RTCA: variants seen among roughly 807,000 people sequenced by gnomAD.
The protein encoded by RTCA is RNA 3'-terminal phosphate cyclase.
A neutral mutation model predicts 46.1 loss-of-function variants in RTCA; 37 were observed. The ratio of observed to expected loss-of-function variants is 0.80; its 90% CI spans 0.62 to 1.06. RTCA has a LOEUF of 1.06. RTCA is among the 50% of genes least tolerant of loss of function. The probability of loss-of-function intolerance (pLI) is 0.00; values close to 1 mark genes in which losing one functional copy is unlikely to be tolerated. For missense variants in RTCA, 435 were observed against 455.5 expected (o/e 0.95, Z 0.41); for synonymous variants, 164 against 158.3 (o/e 1.04, Z -0.27).
At chr1:100,271,090 G>A (rs1666068499) in intron 4 of RTCA, among the ~76,000 whole-genome samples, 1 of 151,034 alleles carries the variant, frequency 6.6e-6, no homozygotes. Flanking sequence ...GGGGAATTAT[G>A]TTTACTTTAA....
intron 2 of RTCA, chr1:100,267,220 A>G: frequency 2.9e-6 from 1 of 344,146 alleles, no homozygotes; most frequent in Non-Finnish European, 5.2e-6. Flanking sequence ...AAGAGGACCC[A>G]GGTTTGAAGC....
intron 2 of RTCA, among the ~76,000 whole-genome samples, chr1:100,267,842 A>G (rs1171592050): frequency 6.6e-6 from 1 of 152,224 alleles, no homozygotes; most frequent in Non-Finnish European, 1.5e-5. Context: ...AGTCAAGTGC[A>G]AGCGAGACTG....
Position 100,266,372 on chromosome 1 carries a change from C to T in RTCA, c.-4C>T. 1 of 1,612,246 alleles carries T rather than the reference C, an allele frequency of 6.2e-7. No individual in the cohort carries two copies. Among genetic ancestry groups the T allele is most frequent in the South Asian group, 1.1e-5 (1 of 90,812 alleles). On this transcript the variant is annotated 5_prime_UTR_variant, in exon 1 of 11. Transcript: ENST00000370128. ...GCTGCGGGCTGGGCCCCAGGGTGTC[C>T]CCCATGGCGGGGCCGCGGGTGGAGG...
At chr1:100,269,018 G>A (rs1665936273) in intron 3 of RTCA, among the ~76,000 whole-genome samples, 1 of 149,090 alleles carries the variant, frequency 6.7e-6, no homozygotes, top group African/African-American at 2.5e-5. Flanking sequence ...GCAAAACCCC[G>A]TCATATATAT....
At chr1:100,278,755 A>G (rs1666535016) in intron 8 of RTCA, among the ~76,000 whole-genome samples, 1 of 152,238 alleles carries the variant, frequency 6.6e-6, no homozygotes, top group Non-Finnish European at 1.5e-5. Flanking sequence ...AAGAGAATAA[A>G]TAAAATCACC....
At chr1:100,267,573 T>C (rs1373759940) in intron 2 of RTCA, 4 of 1,538,112 alleles carry the variant, frequency 2.6e-6, no homozygotes, top group Non-Finnish European at 3.5e-6. Flanking sequence ...GAAAAGGATC[T>C]GCTCCAGGCC....
At chr1:100,281,344 GAGA>G in intron 8 of RTCA, 1 of 529,646 alleles carries the variant, frequency 1.9e-6, no homozygotes, top group Middle Eastern at 3.2e-4. Flanking sequence ...AACAGAGAGT[GAGA>G]AGACCTAAAT....
intron 3 of RTCA, among the ~76,000 whole-genome samples, chr1:100,268,850 G>A (rs1665925073): frequency 6.6e-6 from 1 of 152,000 alleles, no homozygotes; most frequent in South Asian, 2.1e-4. Context: ...TTATGAATAT[G>A]ATTGCTTTCA....
At chr1:100,282,362 T>G (rs116778977) in intron 8 of RTCA, among the ~76,000 whole-genome samples, 2,106 of 152,330 alleles carry the variant, frequency 0.014, 45 homozygotes, top group African/African-American at 0.047. Context: ...TTCTTTCCTT[T>G]TCCTTTACAT....
rs144149517 is a variant in RTCA at position 100,275,228 on chromosome 1, C to G, written c.615+263C>G. Among the ~76,000 whole-genome samples the G allele has an allele frequency of 5.5e-3, 831 of 152,156 alleles. 8 individuals carry two copies. The highest frequency in any genetic ancestry group is 0.018 in the African/African-American group (762 of 41,500). On this transcript the variant is annotated intron_variant, in intron 6 of 10. Coordinates refer to ENST00000370128, the MANE Select transcript of RTCA (RefSeq NM_003729.4). ...ATAAAGATGGGAACACTGGGGACTG[C>G]TAATGGGAGGAGGGTGGAAGGGGGC...
chr1:100,267,651 G>GTTTT (rs60634058), intron 2 of RTCA: 1,597 of 808,712 alleles, frequency 2.0e-3, no homozygotes, highest in African/African-American at 3.2e-3. Context: ...GTATGTTCTA[G>GTTTT]TTTTTTTTTT....
intron 8 of RTCA, among the ~76,000 whole-genome samples, chr1:100,284,449 A>G (rs1666914142): frequency 6.7e-6 from 1 of 150,038 alleles, no homozygotes; most frequent in East Asian, 2.0e-4. Context: ...GATGGAGTAC[A>G]GTGGCACAAT....
Position 100,291,958 on chromosome 1 carries a change from C to T in RTCA, c.*454C>T, listed in dbSNP as rs1448532800. 2.1e-5 allele frequency: 3 copies of T among 142,706 alleles called. No homozygotes were observed. Among genetic ancestry groups the T allele is most frequent in the Admixed American group, 7.2e-5 (1 of 13,944 alleles). 8.8% of individuals were successfully genotyped at this position (142,706 alleles called of 1,614,324 possible). On this transcript the variant is annotated 3_prime_UTR_variant, in exon 11 of 11. Transcript: ENST00000370128. The stretch of plus-strand genomic sequence containing the variant: ...TTTTTTTTTTTTTTTGAGACAGTCT[C>T]GTTCTGTCACCCAGGCTGGGGTGCT...
intron 8 of RTCA, among the ~76,000 whole-genome samples, chr1:100,279,787 A>T (rs1005179831): frequency 1.3e-5 from 2 of 152,158 alleles, no homozygotes; most frequent in Admixed American, 1.3e-4. Flanking sequence ...CACCAAAAAA[A>T]TAGTGTTCTG....
At chr1:100,266,789 T>C (rs1225560185) in intron 2 of RTCA, 165 bp downstream of exon 2, 4 of 609,176 alleles carry the variant, frequency 6.6e-6, no homozygotes, top group Non-Finnish European at 1.2e-5. Context: ...GCCTGGGTTG[T>C]AAAGTCTTGA....
intron 8 of RTCA, among the ~76,000 whole-genome samples, chr1:100,279,263 TC>T (rs1381133862): frequency 6.6e-6 from 1 of 152,198 alleles, no homozygotes; most frequent in Admixed American, 6.5e-5. Context: ...GATTCCTGCC[TC>T]CTGGGTTATT....
At position 100,268,151 on chromosome 1, in the gene RTCA, G is replaced by A. The variant is rs1250962573; in HGVS notation, c.147-1G>A. On this transcript the variant is annotated splice_acceptor_variant, in intron 2 of 10. Coordinates refer to ENST00000370128, the MANE Select transcript of RTCA (RefSeq NM_003729.4). LOFTEE classifies it high-confidence loss of function. ...TTTTGATGCAGTATTATGACCTGAA[G>A]GCCTCAACATTTATCTGGACTGGAA... 1 of 1,614,138 alleles carries A rather than the reference G, an allele frequency of 6.2e-7. No homozygotes were observed.
intron 10 of RTCA, among the ~76,000 whole-genome samples, chr1:100,287,646 T>G (rs1667097371): frequency 6.7e-6 from 1 of 149,680 alleles, no homozygotes; most frequent in Non-Finnish European, 1.5e-5. Flanking sequence ...TTTAGACATT[T>G]TATTTTCTTG....
At chr1:100,271,505 A>G (rs930261210) in intron 4 of RTCA, among the ~76,000 whole-genome samples, 1 of 152,126 alleles carries the variant, frequency 6.6e-6, no homozygotes, top group Non-Finnish European at 1.5e-5. Context: ...TATAAATTAT[A>G]TCAGTTGTGA....
Sources: allele counts gnomAD v4.1 joint callset (sites outside exome capture counted in the v4.1 genomes callset), GRCh38; gene constraint gnomAD v4.1.1; transcripts MANE v1.5; gene names NCBI Gene and HGNC (gene_info 2026-07-23, HGNC 2026-07-21).